MAP1B: variants seen among roughly 807,000 people sequenced by gnomAD.
MAP1B encodes the protein microtubule associated protein 1B.
In MAP1B, 12 loss-of-function variants were observed where a neutral mutation model predicts 176.1. The ratio of observed to expected loss-of-function variants is 0.07; its 90% CI spans 0.04 to 0.11. The LOEUF is 0.11. MAP1B is among the 10% of genes least tolerant of loss of function. The pLI is 1.00. For missense variants in MAP1B, 2,523 were observed against 2,990.5 expected, an observed-to-expected ratio of 0.84 and a Z score of 3.65; for synonymous variants, 1,044 against 1,135.0, an observed-to-expected ratio of 0.92 and a Z score of 1.61.
chr5:72,148,516 G>A (rs1378764343), intron 2 of MAP1B, among the ~76,000 whole-genome samples: 1 of 152,244 alleles, frequency 6.6e-6, no homozygotes, highest in African/African-American at 2.4e-5. Flanking sequence ...TAGGGCAGGG[G>A]TTGCACTTAT....
chr5:72,124,649 T>C (rs1204353057), intron 2 of MAP1B, among the ~76,000 whole-genome samples: 1 of 152,244 alleles, frequency 6.6e-6, no homozygotes, highest in Non-Finnish European at 1.5e-5. Flanking sequence ...CTGTCTTTGT[T>C]GTCATAGAGG....
At chr5:72,132,312 G>A (rs771610708) in intron 2 of MAP1B, among the ~76,000 whole-genome samples, 33 of 152,110 alleles carry the variant, frequency 2.2e-4, no homozygotes, top group African/African-American at 3.4e-4. Context: ...TTTCTGAAAT[G>A]CTCTGAACCC....
At chr5:72,116,027 G>T in intron 2 of MAP1B, 2 of 438,828 alleles carry the variant, frequency 4.6e-6, no homozygotes, top group Non-Finnish European at 8.5e-6. Context: ...AAGTTCTAGG[G>T]TTGTGTATGT....
chr5:72,109,793 C>A (rs1179149474), intron 1 of MAP1B, among the ~76,000 whole-genome samples: 1 of 152,230 alleles, frequency 6.6e-6, no homozygotes. Flanking sequence ...CAACAGTTTT[C>A]AGGGCTTGCC....
chr5:72,200,830 T>A (rs919434201), intron 5 of MAP1B, among the ~76,000 whole-genome samples: 16 of 152,140 alleles, frequency 1.1e-4, no homozygotes, highest in East Asian at 3.9e-4. Flanking sequence ...AGTCCTTTTT[T>A]AAAAAAAATT....
At chr5:72,179,477 G>A (rs1025665388) in intron 2 of MAP1B, among the ~76,000 whole-genome samples, 11 of 152,166 alleles carry the variant, frequency 7.2e-5, no homozygotes, top group Non-Finnish European at 1.3e-4. Flanking sequence ...TGCCTGGCCC[G>A]TTTCCCAGTG....
rs114558572 is a variant in MAP1B at position 72,171,689 on chromosome 5, T to G, written c.287-12054T>G. ...CTAGGCTTTAAATGAGACATCATTT[T>G]GGTTTCCCAGACAGGGCCTGTAACT... On this transcript the variant is annotated intron_variant, in intron 2 of 6. Coordinates refer to ENST00000296755, the MANE Select transcript of MAP1B (RefSeq NM_005909.5). Among the ~76,000 whole-genome samples the G allele has an allele frequency of 8.5e-3, 1,293 of 152,312 alleles. 17 individuals carry two copies. The highest frequency in any genetic ancestry group is 0.029 in the African/African-American group (1,206 of 41,566).
chr5:72,134,548 C>A (rs183985210), intron 2 of MAP1B, among the ~76,000 whole-genome samples: 1 of 151,920 alleles, frequency 6.6e-6, no homozygotes, highest in Non-Finnish European at 1.5e-5. Flanking sequence ...ATTTTGTTAA[C>A]GGAAGCTGTT....
intron 2 of MAP1B, among the ~76,000 whole-genome samples, chr5:72,176,172 C>T (rs532842072): frequency 6.6e-6 from 1 of 152,332 alleles, no homozygotes; most frequent in African/African-American, 2.4e-5. Flanking sequence ...GTGTGGGAGG[C>T]CATAGTGCCC....
intron 1 of MAP1B, among the ~76,000 whole-genome samples, chr5:72,112,831 A>G (rs894896099): frequency 6.6e-6 from 1 of 152,254 alleles, no homozygotes; most frequent in African/African-American, 2.4e-5. Flanking sequence ...CAAAGCCTCC[A>G]GGAAGAGCTT....
intron 2 of MAP1B, among the ~76,000 whole-genome samples, chr5:72,169,820 A>C (rs1746501077): frequency 6.6e-6 from 1 of 152,200 alleles, no homozygotes; most frequent in Admixed American, 6.5e-5. Flanking sequence ...TAGTATAGAG[A>C]CTGTTAACTG....
intron 1 of MAP1B, among the ~76,000 whole-genome samples, chr5:72,112,175 T>C (rs1327729198): frequency 2.0e-5 from 3 of 152,192 alleles, no homozygotes. Flanking sequence ...TCCAAAAGCC[T>C]GTTTTTCAGA....
At chr5:72,179,836 T>C in intron 2 of MAP1B, 1 of 985,466 alleles carries the variant, frequency 1.0e-6, no homozygotes, top group East Asian at 1.1e-4. Flanking sequence ...TTTCCAAAGA[T>C]GGACAAAAGA....
intron 2 of MAP1B, among the ~76,000 whole-genome samples, chr5:72,168,811 A>G (rs892200079): frequency 2.0e-5 from 3 of 152,228 alleles, no homozygotes; most frequent in African/African-American, 7.2e-5. Context: ...TTCAGAGTAC[A>G]TTTATCAATG....
intron 2 of MAP1B, among the ~76,000 whole-genome samples, chr5:72,134,577 A>ATT (rs540321892): frequency 2.0e-3 from 294 of 148,158 alleles, no homozygotes; most frequent in African/African-American, 6.9e-3. Flanking sequence ...ACATAGGAGA[A>ATT]TTTTTTTTTT....
chr5:72,108,249 A>C (rs1298330976), intron 1 of MAP1B, among the ~76,000 whole-genome samples: 1 of 152,166 alleles, frequency 6.6e-6, no homozygotes, highest in African/African-American at 2.4e-5. Flanking sequence ...TTCTTTCCTC[A>C]GAATGACTAG....
intron 2 of MAP1B, among the ~76,000 whole-genome samples, chr5:72,117,209 C>A (rs1039661577): frequency 6.6e-6 from 1 of 152,050 alleles, no homozygotes; most frequent in Middle Eastern, 3.2e-3. Flanking sequence ...AGGAAAGGTA[C>A]AGTATAAGGT....
At chr5:72,167,335 T>G (rs1354332767) in intron 2 of MAP1B, among the ~76,000 whole-genome samples, 1 of 152,226 alleles carries the variant, frequency 6.6e-6, no homozygotes, top group Non-Finnish European at 1.5e-5. Flanking sequence ...ACTAGAAAGT[T>G]AGCAAGTTAA....
intron 2 of MAP1B, among the ~76,000 whole-genome samples, chr5:72,168,411 A>G (rs551429694): frequency 2.6e-4 from 39 of 152,332 alleles, no homozygotes; most frequent in Middle Eastern, 6.8e-3. Context: ...ATACTATTTT[A>G]TTTACGAAAG....
Sources: allele counts gnomAD v4.1 joint callset (sites outside exome capture counted in the v4.1 genomes callset), GRCh38; gene constraint gnomAD v4.1.1; transcripts MANE v1.5; gene names NCBI Gene and HGNC (gene_info 2026-07-23, HGNC 2026-07-21).